CACNA1E: variants seen among roughly 807,000 people sequenced by gnomAD.
CACNA1E encodes calcium voltage-gated channel subunit alpha1 E.
CACNA1E carries 40 observed loss-of-function variants against 259.2 expected under a neutral mutation model. The ratio of observed to expected loss-of-function variants is 0.15; its 90% CI spans 0.12 to 0.20. The LOEUF is 0.20. CACNA1E is among the 10% of genes least tolerant of loss of function. The probability of loss-of-function intolerance (pLI) is 1.00; values close to 1 mark genes in which losing one functional copy is unlikely to be tolerated. For missense variants in CACNA1E, 1,874 were observed against 3,040.1 expected (o/e 0.62, Z 9.02); for synonymous variants, 1,104 against 1,138.5 (o/e 0.97, Z 0.61).
At chr1:181,452,969 A>G (rs1661254580) in intron 2 of CACNA1E, among the ~76,000 whole-genome samples, 1 of 152,172 alleles carries the variant, frequency 6.6e-6, no homozygotes. Context: ...CCAGACATGC[A>G]TTGTTGCTGA....
intron 3 of CACNA1E, among the ~76,000 whole-genome samples, chr1:181,556,632 A>G (rs1384209923): frequency 6.6e-6 from 1 of 152,144 alleles, no homozygotes; most frequent in Non-Finnish European, 1.5e-5. Flanking sequence ...GTCACTTTGT[A>G]TTGAGGATCT....
chr1:181,745,974 G>A (rs988270735), intron 25 of CACNA1E, among the ~76,000 whole-genome samples: 2 of 152,182 alleles, frequency 1.3e-5, no homozygotes, highest in Admixed American at 6.5e-5. Flanking sequence ...GCTCTCGGGA[G>A]TGTGTGTGAG....
At chr1:181,350,988 G>T (rs1468779989) in intron 1 of CACNA1E, among the ~76,000 whole-genome samples, 4 of 152,200 alleles carry the variant, frequency 2.6e-5, no homozygotes, top group African/African-American at 9.7e-5. Flanking sequence ...GATAAATGGT[G>T]GTAAGTCCTA....
At chr1:181,330,993 A>G (rs1442738610) in intron 1 of CACNA1E, among the ~76,000 whole-genome samples, 1 of 152,176 alleles carries the variant, frequency 6.6e-6, no homozygotes, top group African/African-American at 2.4e-5. Flanking sequence ...TGGCAAGCAG[A>G]GCTCTAGCTG....
chr1:181,716,529 A>G (rs1020212935), intron 10 of CACNA1E, among the ~76,000 whole-genome samples: 1 of 152,194 alleles, frequency 6.6e-6, no homozygotes, highest in African/African-American at 2.4e-5. Flanking sequence ...CATTTGCTTA[A>G]CAACAGTAGC....
intron 1 of CACNA1E, among the ~76,000 whole-genome samples, chr1:181,412,598 G>A (rs1371639576): frequency 6.6e-6 from 1 of 151,986 alleles, no homozygotes; most frequent in Non-Finnish European, 1.5e-5. Flanking sequence ...TTGTGGCTTG[G>A]TGCCCCCAGG....
chr1:181,713,533 C>T (rs1054511401), intron 8 of CACNA1E, among the ~76,000 whole-genome samples: 3 of 152,134 alleles, frequency 2.0e-5, no homozygotes, highest in Non-Finnish European at 4.4e-5. Context: ...AAAATGTTCC[C>T]CTCCCTAGGA....
At chr1:181,597,708 T>A (rs918846930) in intron 6 of CACNA1E, among the ~76,000 whole-genome samples, 4 of 152,198 alleles carry the variant, frequency 2.6e-5, no homozygotes, top group Admixed American at 6.5e-5. Context: ...GAGGTTTAAT[T>A]TGACTTACAG....
chr1:181,627,476 C>T lies in CACNA1E; in HGVS notation c.952-23862C>T, dbSNP rs190536051. Among the ~76,000 whole-genome samples, 11 of 152,134 alleles carry T rather than the reference C, an allele frequency of 7.2e-5. No homozygotes were observed. The South Asian group carries it at 1.2e-3, about 17-fold the overall frequency. On this transcript the variant is annotated intron_variant, in intron 6 of 47. Transcript: ENST00000367573. ...CTTAGGAGTGGGGGGAGATAAGGCT[C>T]GGTAAATGGATGAGGCCCAGACTGT...
At chr1:181,569,682 A>G (rs1190485482) in intron 3 of CACNA1E, among the ~76,000 whole-genome samples, 5 of 152,188 alleles carry the variant, frequency 3.3e-5, no homozygotes, top group African/African-American at 9.7e-5. Context: ...GGGCCCAGTC[A>G]CAGCTCCGTG....
chr1:181,488,119 G>A (rs530370267), intron 1 of CACNA1E, among the ~76,000 whole-genome samples: 6 of 152,316 alleles, frequency 3.9e-5, no homozygotes, highest in Non-Finnish European at 5.9e-5. Flanking sequence ...TAAAATGTCC[G>A]TTTATTTTGG....
chr1:181,745,688 G>A (rs1657015220), intron 25 of CACNA1E, among the ~76,000 whole-genome samples: 1 of 152,170 alleles, frequency 6.6e-6, no homozygotes, highest in Non-Finnish European at 1.5e-5. Context: ...GCACAGCCTA[G>A]CATTTCAAAT....
At chr1:181,761,373 C>G (rs1658571371) in intron 32 of CACNA1E, among the ~76,000 whole-genome samples, 1 of 152,064 alleles carries the variant, frequency 6.6e-6, no homozygotes, top group Non-Finnish European at 1.5e-5. Flanking sequence ...TTTTTCAATC[C>G]CTGCCTCTAG....
rs145818191 is a variant in CACNA1E, at chr1:181,357,064, G to GA, written c.-15+38943dup. Among the ~76,000 whole-genome samples the GA allele has an allele frequency of 8.7e-3, 1,319 of 152,164 alleles. 6 individuals carry two copies. The highest frequency in any genetic ancestry group is 0.015 in the Non-Finnish European group (1,003 of 67,978). On this transcript the variant is annotated intron_variant, in intron 1 of 11. Transcript: ENST00000524607. ...GCTTCCTCTTCTCCTTTTTAGCAGC[G>GA]AATGTGATTGCTTCCATTGAATTCG...
At chr1:181,344,412 G>C (rs371681626) in intron 1 of CACNA1E, among the ~76,000 whole-genome samples, 19 of 152,326 alleles carry the variant, frequency 1.2e-4, no homozygotes, top group African/African-American at 4.3e-4. Context: ...ACCCTTGGCA[G>C]GGAGAGGACA....
rs755606631 is a variant in CACNA1E at position 181,798,848 on chromosome 1, C to T, written c.*14C>T. 2.0e-6 allele frequency: 3 copies of T among 1,497,504 alleles called. No individual in the cohort carries two copies. Among genetic ancestry groups the T allele is most frequent in the African/African-American group, 2.8e-5 (2 of 71,998 alleles). 92.8% of individuals were successfully genotyped at this position (1,497,504 alleles called of 1,614,324 possible). ...GACAAATGCTAGAGGCTGCTCCCCC[C>T]TCCGATGCATGCTCTTCTCTCACAT... On this transcript the variant is annotated 3_prime_UTR_variant, in exon 48 of 48. Transcript: ENST00000367573. This position sits in a 1 kb window ranked among gnomAD's most constrained non-coding sequence, Gnocchi z 4.2.
intron 7 of CACNA1E, among the ~76,000 whole-genome samples, chr1:181,703,938 A>T (rs1441389355): frequency 6.7e-6 from 1 of 148,738 alleles, no homozygotes; most frequent in Non-Finnish European, 1.5e-5. Context: ...ACTTCATGTA[A>T]TGCCATTTAT....
At chr1:181,597,398 A>AT (rs1653293974) in intron 6 of CACNA1E, among the ~76,000 whole-genome samples, 1 of 152,094 alleles carries the variant, frequency 6.6e-6, no homozygotes, top group Admixed American at 6.5e-5. Context: ...ATCCATGTAT[A>AT]TTTTTTGTGT....
At chr1:181,381,460 A>T (rs1655455871) in intron 1 of CACNA1E, among the ~76,000 whole-genome samples, 1 of 152,246 alleles carries the variant, frequency 6.6e-6, no homozygotes, top group Non-Finnish European at 1.5e-5. Flanking sequence ...ACATTAATAT[A>T]TAGTGACAGA....
Sources: allele counts gnomAD v4.1 joint callset (sites outside exome capture counted in the v4.1 genomes callset), GRCh38; gene constraint gnomAD v4.1.1; non-coding constraint Gnocchi (gnomAD v3.1); transcripts MANE v1.5; gene names NCBI Gene and HGNC (gene_info 2026-07-23, HGNC 2026-07-21).